C13orf42: variants seen among roughly 807,000 people sequenced by gnomAD.
The protein encoded by C13orf42 is uncharacterized protein C13orf42.
intron 1 of C13orf42, among the ~76,000 whole-genome samples, chr13:51,100,148 T>C (rs988305858): frequency 2.6e-5 from 4 of 151,598 alleles, no homozygotes; most frequent in Non-Finnish European, 5.9e-5. Context: ...AAATTGCTGA[T>C]AGACAAAGGG....
chr13:51,114,659 C>T (rs112650287), upstream of C13orf42, among the ~76,000 whole-genome samples: 54,868 of 112,740 alleles, frequency 0.49, 12,324 homozygotes, highest in South Asian at 0.58. Context: ...GATAGACAGA[C>T]AGACAGACAG....
chr13:51,099,901 G>C (rs1953269690), intron 1 of C13orf42, among the ~76,000 whole-genome samples: 1 of 152,170 alleles, frequency 6.6e-6, no homozygotes, highest in Non-Finnish European at 1.5e-5. Flanking sequence ...AAAACACTAA[G>C]TTAATAAAAT....
intron 1 of C13orf42, among the ~76,000 whole-genome samples, chr13:51,117,784 A>G (rs1953503949): frequency 6.6e-6 from 1 of 151,332 alleles, no homozygotes; most frequent in Non-Finnish European, 1.5e-5. Context: ...AGGAATATAC[A>G]TATTTATTTT....
chr13:51,126,775 C>A (rs149227624), intron 1 of C13orf42, among the ~76,000 whole-genome samples: 2 of 152,272 alleles, frequency 1.3e-5, no homozygotes, highest in East Asian at 3.9e-4. Context: ...GTTGCCAGTT[C>A]TTTTTGATGG....
chr13:51,157,924 G>A (rs373927996), intron 1 of C13orf42, among the ~76,000 whole-genome samples: 20 of 152,312 alleles, frequency 1.3e-4, no homozygotes, highest in African/African-American at 4.3e-4. Context: ...AGAGGAAGGC[G>A]TGCAGCCTTA....
chr13:51,096,868 A>G (rs1953239602), intron 1 of C13orf42, among the ~76,000 whole-genome samples: 1 of 152,258 alleles, frequency 6.6e-6, no homozygotes, highest in Non-Finnish European at 1.5e-5. Flanking sequence ...AACCAAAACT[A>G]TAACAAACAT....
chr13:51,131,650 T>C (rs1024984823), intron 1 of C13orf42, among the ~76,000 whole-genome samples: 1 of 152,228 alleles, frequency 6.6e-6, no homozygotes, highest in Non-Finnish European at 1.5e-5. Context: ...TTCCTTCTTA[T>C]GGAACAGAGT....
At chr13:51,141,471 A>G (rs904320464) in intron 1 of C13orf42, among the ~76,000 whole-genome samples, 2 of 152,084 alleles carry the variant, frequency 1.3e-5, no homozygotes, top group African/African-American at 4.8e-5. Context: ...TTCATTACTA[A>G]ATATATATAA....
chr13:51,112,604 G>C (rs537343393), upstream of C13orf42, among the ~76,000 whole-genome samples: 1 of 152,324 alleles, frequency 6.6e-6, no homozygotes, highest in Non-Finnish European at 1.5e-5. Flanking sequence ...CAGCTTCACA[G>C]TTGTAGCATG....
chr13:51,111,301 C>G, upstream of C13orf42: 2 of 397,596 alleles, frequency 5.0e-6, no homozygotes, highest in Non-Finnish European at 8.9e-6. Flanking sequence ...ATCCAGGCCT[C>G]GCACCATCTG....
rs142680582 is a variant in C13orf42, at chr13:51,090,363, T to TCA, written c.415-2290_415-2289dup. On this transcript the variant is annotated intron_variant, in intron 1 of 3. Transcript: ENST00000563710. Reference sequence around the variant, plus strand: ...TAACCTAAGTCTATGATGACAGATATCACTTTAGAGATTTTTGGTGAAGTG... The same window carrying TCA: ...TAACCTAAGTCTATGATGACAGATATCACACTTTAGAGATTTTTGGTGAAGTG... 2.3e-3 allele frequency among the ~76,000 whole-genome samples: 345 copies of TCA among 152,224 alleles called. 1 individual carries two copies. The highest frequency in any genetic ancestry group is 7.3e-3 in the African/African-American group (305 of 41,546).
At chr13:51,133,117 G>A (rs1953631848) in intron 1 of C13orf42, among the ~76,000 whole-genome samples, 1 of 152,186 alleles carries the variant, frequency 6.6e-6, no homozygotes, top group South Asian at 2.1e-4. Context: ...TGCTCTGTCT[G>A]TGGAGTAGCC....
At chr13:51,113,566 TTGTG>T (rs3990095), upstream of C13orf42, among the ~76,000 whole-genome samples, 41,235 of 147,812 alleles carry the variant, frequency 0.28, 6,430 homozygotes, top group Non-Finnish European at 0.38. Flanking sequence ...AAAGTGTATT[TTGTG>T]TGTGTGTGTG....
At chr13:51,151,349 G>A (rs1287912828) in intron 1 of C13orf42, among the ~76,000 whole-genome samples, 1 of 151,172 alleles carries the variant, frequency 6.6e-6, no homozygotes, top group Non-Finnish European at 1.5e-5. Context: ...GCCAAGAAAT[G>A]CAGGTAGCCC....
chr13:51,142,585 C>G (rs1162210674), intron 1 of C13orf42, among the ~76,000 whole-genome samples: 1 of 134,188 alleles, frequency 7.5e-6, no homozygotes, highest in Non-Finnish European at 1.6e-5. Flanking sequence ...TGTGGGAAAA[C>G]ATTTCTGCTT....
intron 1 of C13orf42, among the ~76,000 whole-genome samples, chr13:51,169,053 G>A (rs942121645): frequency 2.0e-5 from 3 of 152,184 alleles, no homozygotes; most frequent in African/African-American, 7.2e-5. Context: ...AGCAAAGCGA[G>A]AACAGACTAA....
At chr13:51,111,473 C>T (rs1953433222), upstream of C13orf42, among the ~76,000 whole-genome samples, 1 of 152,178 alleles carries the variant, frequency 6.6e-6, no homozygotes, top group South Asian at 2.1e-4. Context: ...AAATGAGTGC[C>T]CTGGCTGGCT....
chr13:51,132,504 A>G (rs1953625501), intron 1 of C13orf42, among the ~76,000 whole-genome samples: 1 of 152,106 alleles, frequency 6.6e-6, no homozygotes, highest in South Asian at 2.1e-4. Flanking sequence ...TCTTCTGGAT[A>G]TCACCTTTTG....
chr13:51,133,151 TA>T (rs1365078591), intron 1 of C13orf42, among the ~76,000 whole-genome samples: 3 of 152,188 alleles, frequency 2.0e-5, no homozygotes, highest in Non-Finnish European at 4.4e-5. Flanking sequence ...TCTACTTTCT[TA>T]ATAAACTTAC....
Sources: allele counts gnomAD v4.1 joint callset (sites outside exome capture counted in the v4.1 genomes callset), GRCh38; gene constraint gnomAD v4.1.1; transcripts MANE v1.5; gene names NCBI Gene and HGNC (gene_info 2026-07-23, HGNC 2026-07-21).